The following PHKB variants were observed in gnomAD, a reference collection of about 807,000 sequenced individuals.
PHKB encodes phosphorylase b kinase regulatory subunit beta.
A neutral mutation model predicts 152.1 loss-of-function variants in PHKB; 122 were observed. The ratio of observed to expected loss-of-function variants is 0.80; its 90% CI spans 0.69 to 0.93. PHKB has a LOEUF of 0.93. PHKB is among the 40% of genes least tolerant of loss of function. The pLI is 0.00. For missense variants in PHKB, 1,304 were observed against 1,328.4 expected (o/e 0.98, Z 0.29); for synonymous variants, 436 against 464.9 (o/e 0.94, Z 0.80).
At chr16:47,511,015 G>A (rs1346602823) in intron 4 of PHKB, among the ~76,000 whole-genome samples, 1 of 152,012 alleles carries the variant, frequency 6.6e-6, no homozygotes, top group Admixed American at 6.6e-5. Flanking sequence ...TGGATTTTTT[G>A]GTCCCCAGAG....
chr16:47,514,490 G>A (rs1970562346), intron 5 of PHKB, among the ~76,000 whole-genome samples: 1 of 152,190 alleles, frequency 6.6e-6, no homozygotes, highest in Non-Finnish European at 1.5e-5. Flanking sequence ...AGGAGAAGAA[G>A]AGTGTATGAG....
chr16:47,464,504 G>A (rs1466370562), intron 1 of PHKB, among the ~76,000 whole-genome samples: 1 of 152,138 alleles, frequency 6.6e-6, no homozygotes, highest in Admixed American at 6.6e-5. Context: ...TGTAAGGGCT[G>A]GAACAGATGT....
intron 13 of PHKB, among the ~76,000 whole-genome samples, chr16:47,608,538 C>A (rs1418908934): frequency 6.6e-6 from 1 of 152,164 alleles, no homozygotes; most frequent in East Asian, 1.9e-4. Flanking sequence ...ATGGCAAAAC[C>A]TTGTCTCTAC....
chr16:47,694,829 C>T (rs923514820), intron 28 of PHKB, among the ~76,000 whole-genome samples: 1 of 152,166 alleles, frequency 6.6e-6, no homozygotes, highest in Non-Finnish European at 1.5e-5. Context: ...CTTTCTCAGC[C>T]CCCACTAATA....
chr16:47,628,834 A>G (rs1221744478), intron 14 of PHKB, among the ~76,000 whole-genome samples: 1 of 152,134 alleles, frequency 6.6e-6, no homozygotes, highest in Non-Finnish European at 1.5e-5. Context: ...GATATAGATC[A>G]ATGGAACAGA....
intron 14 of PHKB, among the ~76,000 whole-genome samples, chr16:47,633,658 G>A (rs373885919): frequency 6.6e-5 from 10 of 152,096 alleles, no homozygotes; most frequent in South Asian, 2.1e-4. Flanking sequence ...CAGTCCAAAC[G>A]TAAAGGGACA....
intron 13 of PHKB, among the ~76,000 whole-genome samples, chr16:47,598,252 A>G (rs771619313): frequency 3.3e-5 from 5 of 152,202 alleles, no homozygotes; most frequent in Non-Finnish European, 5.9e-5. Context: ...ACAGTGATCT[A>G]TAAATTTGTT....
chr16:47,543,123 T>C (rs1350679469), intron 6 of PHKB, among the ~76,000 whole-genome samples: 1 of 152,236 alleles, frequency 6.6e-6, no homozygotes, highest in Non-Finnish European at 1.5e-5. Flanking sequence ...TTCAGTGTGA[T>C]ATTGGCTGTG....
At chr16:47,650,301 G>A (rs1352036314) in intron 18 of PHKB, among the ~76,000 whole-genome samples, 1 of 152,146 alleles carries the variant, frequency 6.6e-6, no homozygotes, top group Non-Finnish European at 1.5e-5. Flanking sequence ...AACAAATGTA[G>A]CGTGATTACT....
chr16:47,560,926 T>C (rs759939553), intron 7 of PHKB, among the ~76,000 whole-genome samples: 30 of 152,132 alleles, frequency 2.0e-4, no homozygotes, highest in Non-Finnish European at 3.4e-4. Flanking sequence ...TTTGCAAATA[T>C]GTATATATGG....
At chr16:47,565,641 G>A in intron 7 of PHKB, 1 of 1,135,614 alleles carries the variant, frequency 8.8e-7, no homozygotes, top group East Asian at 2.4e-5. Flanking sequence ...GGTCTGTGAT[G>A]ACTCACTTCC....
intron 2 of PHKB, among the ~76,000 whole-genome samples, chr16:47,498,042 A>T (rs1404379029): frequency 6.6e-6 from 1 of 152,148 alleles, no homozygotes; most frequent in Non-Finnish European, 1.5e-5. Flanking sequence ...TGTTTGTCAG[A>T]CCATCTATTA....
At chr16:47,617,636 G>A (rs1048966604) in intron 14 of PHKB, among the ~76,000 whole-genome samples, 3 of 151,996 alleles carry the variant, frequency 2.0e-5, no homozygotes, top group Admixed American at 2.0e-4. Flanking sequence ...TCCTCCCACT[G>A]GTTATTTTGT....
chr16:47,642,116 T>C (rs1030519691), intron 16 of PHKB, among the ~76,000 whole-genome samples: 1 of 152,152 alleles, frequency 6.6e-6, no homozygotes, highest in African/African-American at 2.4e-5. Context: ...TTTTTCGCCT[T>C]TGATTATCAA....
intron 1 of PHKB, chr16:47,464,019 T>G: frequency 7.3e-7 from 1 of 1,379,142 alleles, no homozygotes; most frequent in Non-Finnish European, 1.0e-6. Context: ...CCCAAAAGGG[T>G]CACTTGGTAA....
Position 47,648,535 on chromosome 16 carries a change from T to G in PHKB, c.1611T>G (p.Ala537=). The change falls in exon 17 of 31, where the codon GCT becomes GCG. Residue 537 remains alanine, a splice_region_variant and synonymous_variant. Transcript: ENST00000323584. The part of the protein sequence containing the change: ...QIWPQQELVK[A]YLQLGINEKL... ...ATTTACAAACTTGTGTCTTACAGGC[T>G]TATTTGCAGCTGGGTATCAATGAAA... is the stretch of plus-strand genomic sequence containing the variant. 2.5e-6 allele frequency: 4 copies of G among 1,609,846 alleles called. No homozygotes were observed. Among genetic ancestry groups the G allele is most frequent in the Non-Finnish European group, 3.4e-6 (4 of 1,176,208 alleles).
At chr16:47,639,145 G>A (rs569659054) in intron 14 of PHKB, among the ~76,000 whole-genome samples, 1 of 152,158 alleles carries the variant, frequency 6.6e-6, no homozygotes, top group Non-Finnish European at 1.5e-5. Flanking sequence ...GTGGTGGTGT[G>A]CACCTGTAGT....
rs1308944068 is a variant in PHKB, at chr16:47,589,000, A to G, written c.966A>G (p.Arg322=). ...GCCAGACACTTGATAAAGTGGTTAG[A>G]AAATTAAAAGGAAAATATGGATTTA... ...LFSQTLDKVV[R]KLKGKYGFKR... The change falls in exon 10 of 31, where the codon AGA becomes AGG. Residue 322 remains arginine (R), a synonymous_variant. Coordinates refer to ENST00000323584, the MANE Select transcript of PHKB (RefSeq NM_000293.3). The G allele has an allele frequency of 1.2e-6, 2 of 1,613,896 alleles. No homozygotes were observed. Among genetic ancestry groups the G allele is most frequent in the African/African-American group, 2.7e-5 (2 of 75,064 alleles).
chr16:47,568,564 A>G (rs1174377761), intron 7 of PHKB, among the ~76,000 whole-genome samples: 1 of 151,798 alleles, frequency 6.6e-6, no homozygotes. Flanking sequence ...TTCTTCTGCT[A>G]GCTTTGGGTT....
Sources: allele counts gnomAD v4.1 joint callset (sites outside exome capture counted in the v4.1 genomes callset), GRCh38; gene constraint gnomAD v4.1.1; transcripts MANE v1.5; gene names NCBI Gene and HGNC (gene_info 2026-07-23, HGNC 2026-07-21).